PDE4D: variants seen among roughly 807,000 people sequenced by gnomAD.
PDE4D encodes 3',5'-cyclic-AMP phosphodiesterase 4D.
In PDE4D, 24 loss-of-function variants were observed where a neutral mutation model predicts 87.4. The observed-to-expected ratio is 0.27, with a 90% confidence interval of 0.20 to 0.39. The LOEUF (loss-of-function observed/expected upper bound fraction) is 0.39, where lower values mean the gene tolerates loss of function less well. PDE4D is among the 10% of genes least tolerant of loss of function. The probability of loss-of-function intolerance (pLI) is 1.00; values close to 1 mark genes in which losing one functional copy is unlikely to be tolerated. For synonymous variants in PDE4D, 384 were observed against 383.2 expected (o/e 1.00, Z -0.02); for missense variants, 714 against 1,041.0 (o/e 0.69, Z 4.32).
intron 1 of PDE4D, among the ~76,000 whole-genome samples, chr5:59,271,102 C>T (rs777161912): frequency 2.3e-4 from 35 of 151,664 alleles, no homozygotes; most frequent in South Asian, 6.2e-4. Context: ...TGCAGTGGCA[C>T]GATCTTGGCT....
intron 5 of PDE4D, among the ~76,000 whole-genome samples, chr5:59,107,111 G>A (rs1314357868): frequency 6.6e-6 from 1 of 152,170 alleles, no homozygotes; most frequent in African/African-American, 2.4e-5. Context: ...CTACATCTGT[G>A]TGTGTGTGTG....
chr5:60,501,980 T>C (rs1750100487), intron 1 of PDE4D, among the ~76,000 whole-genome samples: 1 of 152,206 alleles, frequency 6.6e-6, no homozygotes, highest in Non-Finnish European at 1.5e-5. Context: ...GTAGTTTCTT[T>C]TGCTGTGCAG....
chr5:59,239,646 T>A (rs1757240343), intron 1 of PDE4D, among the ~76,000 whole-genome samples: 1 of 152,208 alleles, frequency 6.6e-6, no homozygotes, highest in African/African-American at 2.4e-5. Flanking sequence ...TATAATTCGT[T>A]GCCTCTCTAG....
At chr5:60,144,124 C>T (rs996576356) in intron 2 of PDE4D, among the ~76,000 whole-genome samples, 34 of 152,168 alleles carry the variant, frequency 2.2e-4, no homozygotes, top group African/African-American at 7.5e-4. Flanking sequence ...CCAGCGGCAG[C>T]GGTGACCTCC....
At chr5:60,073,488 A>T (rs1259779927) in intron 2 of PDE4D, among the ~76,000 whole-genome samples, 3 of 134,534 alleles carry the variant, frequency 2.2e-5, no homozygotes, top group Non-Finnish European at 4.8e-5. Context: ...TGTGTTTGCC[A>T]GGTGTTTTTT....
At chr5:59,506,836 G>A (rs1486294906) in intron 1 of PDE4D, among the ~76,000 whole-genome samples, 4 of 152,060 alleles carry the variant, frequency 2.6e-5, no homozygotes, top group African/African-American at 9.7e-5. Context: ...AGAGAATATT[G>A]GTTGGAATCT....
At chr5:60,015,617 C>A (rs1765427795) in intron 2 of PDE4D, among the ~76,000 whole-genome samples, 1 of 152,086 alleles carries the variant, frequency 6.6e-6, no homozygotes, top group Admixed American at 6.5e-5. Context: ...TCAAACATAT[C>A]TATATTGCCG....
chr5:59,622,245 C>T (rs906024401), intron 1 of PDE4D, among the ~76,000 whole-genome samples: 2 of 152,094 alleles, frequency 1.3e-5, no homozygotes, highest in Admixed American at 1.3e-4. Flanking sequence ...TGCATACACA[C>T]ATATATTTTA....
chr5:60,292,220 C>T (rs141357805), intron 1 of PDE4D, among the ~76,000 whole-genome samples: 201 of 152,146 alleles, frequency 1.3e-3, no homozygotes, highest in African/African-American at 4.8e-3. Flanking sequence ...TACCATGCAG[C>T]CAAAACAAAA....
intron 1 of PDE4D, among the ~76,000 whole-genome samples, chr5:59,465,082 T>C (rs1801377053): frequency 6.6e-6 from 1 of 152,168 alleles, no homozygotes; most frequent in Non-Finnish European, 1.5e-5. Context: ...GAAGACCTAA[T>C]ATGTCTATAA....
At chr5:60,093,095 T>C (rs551967662) in intron 2 of PDE4D, among the ~76,000 whole-genome samples, 48 of 152,282 alleles carry the variant, frequency 3.2e-4, no homozygotes, top group Middle Eastern at 3.4e-3. Flanking sequence ...TTACAGATTA[T>C]AAAGAAGTGA....
chr5:59,245,681 C>T (rs1394290882), intron 1 of PDE4D, among the ~76,000 whole-genome samples: 6 of 152,126 alleles, frequency 3.9e-5, no homozygotes, highest in Admixed American at 1.3e-4. Context: ...AACCTTGATA[C>T]TTGGCCTCAA....
intron 6 of PDE4D, among the ~76,000 whole-genome samples, chr5:59,009,902 T>G (rs549422911): frequency 6.6e-6 from 1 of 152,234 alleles, no homozygotes; most frequent in Non-Finnish European, 1.5e-5. Flanking sequence ...GGCATAGTTA[T>G]GTATGATAAA....
rs188344524 is a variant in PDE4D, at chr5:60,380,634, A to G, written c.-90+107308T>C. ...AATAACTCTCTTGTTTTAGCAAGTG[A>G]TACCAATTTGGAGATTGTTTGTTAG... On this transcript the variant is annotated intron_variant, in intron 1 of 16. Coordinates refer to the PDE4D transcript ENST00000502484. Among the ~76,000 whole-genome samples, 46 of 152,360 alleles carry G rather than the reference A, an allele frequency of 3.0e-4. 1 individual carries two copies. In the East Asian group the frequency reaches 4.4e-3, roughly 15 times the overall value.
At position 60,483,696 on chromosome 5, in the gene PDE4D, T is replaced by C. The variant is rs1457611985; in HGVS notation, c.-90+4246A>G. ...AAAAAGTCAGGTCAATGGCCCTAGA[T>C]CCAGTTTTCAAATACTACTACAAAT... is the stretch of plus-strand genomic sequence containing the variant. On this transcript the variant is annotated intron_variant, in intron 1 of 16. Transcript: ENST00000502484. Among the ~76,000 whole-genome samples the C allele has an allele frequency of 2.0e-5, 3 of 152,216 alleles. No individual in the cohort carries two copies. The East Asian group carries it at 5.8e-4, about 29-fold the overall frequency.
chr5:59,771,478 A>AGAG lies in PDE4D; in HGVS notation c.455+121689_455+121690insCTC, dbSNP rs879905597. Among the ~76,000 whole-genome samples, 199 of 102,802 alleles carry AGAG rather than the reference A, an allele frequency of 1.9e-3. 1 individual carries two copies. The highest frequency in any genetic ancestry group is 9.3e-3 in the Middle Eastern group (2 of 216). The allele number at this position is 102,802 out of a possible 152,430, so 67.4% of individuals were successfully genotyped here. On this transcript the variant is annotated intron_variant, in intron 1 of 14. Transcript: ENST00000340635. ...GAAAGAAAGAAAGAAAGAAAGAAAG[A>AGAG]AAGAAAGAGAGAGAGAGAGAGAAGA...
intron 1 of PDE4D, among the ~76,000 whole-genome samples, chr5:59,547,925 G>A (rs1319257612): frequency 6.6e-6 from 1 of 152,128 alleles, no homozygotes; most frequent in Non-Finnish European, 1.5e-5. Context: ...GTTTTCCTTG[G>A]AACTACTGGG....
intron 1 of PDE4D, among the ~76,000 whole-genome samples, chr5:59,349,652 T>A (rs1780189320): frequency 6.6e-6 from 1 of 152,202 alleles, no homozygotes; most frequent in South Asian, 2.1e-4. Context: ...AAAAATGGTA[T>A]AGTTTTAACT....
intron 5 of PDE4D, among the ~76,000 whole-genome samples, chr5:59,127,600 T>TCCCCCCCCCCCCCCCCCCCCCCCCCCC (rs1170462233): frequency 2.1e-5 from 2 of 97,002 alleles, no homozygotes; most frequent in Admixed American, 1.0e-4. Context: ...CTTCTTTCCC[T>TCCCCCCCCCCCCCCCCCCCCCCCCCCC]CCCCACCCCC....
Sources: gnomAD v4.1 joint callset for allele counts (sites outside exome capture counted in the v4.1 genomes callset) on GRCh38, gnomAD v4.1.1 for gene constraint, MANE v1.5 for transcripts, NCBI Gene and HGNC (gene_info 2026-07-23, HGNC 2026-07-21) for gene names.